ST6GALNAC3: variants seen among roughly 807,000 people sequenced by gnomAD.
ST6GALNAC3 encodes the protein alpha-N-acetylgalactosaminide alpha-2,6-sialyltransferase 3.
Under a neutral mutation model 32.7 loss-of-function variants are expected in ST6GALNAC3, and 25 were observed. That is an observed-to-expected ratio of 0.76 (90% CI 0.56 to 1.07). ST6GALNAC3 has a LOEUF of 1.07. ST6GALNAC3 is among the 50% of genes least tolerant of loss of function. ST6GALNAC3 has a pLI of 0.00. For missense variants in ST6GALNAC3, 355 were observed against 382.4 expected, an observed-to-expected ratio of 0.93 and a Z score of 0.60; for synonymous variants, 129 against 133.1, an observed-to-expected ratio of 0.97 and a Z score of 0.21.
chr1:76,464,721 A>C (rs1332824488), intron 3 of ST6GALNAC3, among the ~76,000 whole-genome samples: 1 of 152,214 alleles, frequency 6.6e-6, no homozygotes, highest in African/African-American at 2.4e-5. Context: ...AGAATCTTTA[A>C]ATTATCATTA....
intron 3 of ST6GALNAC3, among the ~76,000 whole-genome samples, chr1:76,516,585 A>C (rs921685551): frequency 1.3e-5 from 2 of 151,926 alleles, no homozygotes; most frequent in African/African-American, 4.9e-5. Flanking sequence ...CTTCAAAAAG[A>C]ACTGTGCTTA....
intron 3 of ST6GALNAC3, among the ~76,000 whole-genome samples, chr1:76,444,651 G>T (rs1656844756): frequency 6.6e-6 from 1 of 152,158 alleles, no homozygotes; most frequent in Non-Finnish European, 1.5e-5. Flanking sequence ...TCTGGACTCT[G>T]GTAGGGAGCC....
chr1:76,317,129 T>G (rs1646879781), intron 2 of ST6GALNAC3, among the ~76,000 whole-genome samples: 1 of 152,094 alleles, frequency 6.6e-6, no homozygotes, highest in African/African-American at 2.4e-5. Flanking sequence ...TTCTCCTAAA[T>G]TCAAGTAGTT....
intron 3 of ST6GALNAC3, among the ~76,000 whole-genome samples, chr1:76,574,070 A>G (rs527660796): frequency 6.6e-6 from 1 of 152,126 alleles, no homozygotes; most frequent in Non-Finnish European, 1.5e-5. Flanking sequence ...TGCCTTTGTG[A>G]AAGTTATAAT....
In ST6GALNAC3 at chr1:76,077,834, A is replaced by G. The variant is rs371507598; in HGVS notation, c.18+2950A>G. Among the ~76,000 whole-genome samples the G allele has an allele frequency of 3.9e-5, 6 of 152,312 alleles. No individual in the cohort carries two copies. In the East Asian group the frequency reaches 5.8e-4, roughly 15 times the overall value. ...AATTGCCTTTAGCTCAAAATAATCA[A>G]TATGCCAAAGTGATATATTTTGGGG... is the stretch of plus-strand genomic sequence containing the variant. On this transcript the variant is annotated intron_variant, in intron 1 of 4. Transcript: ENST00000328299.
At chr1:76,514,574 G>A (rs1341081722) in intron 3 of ST6GALNAC3, among the ~76,000 whole-genome samples, 2 of 152,116 alleles carry the variant, frequency 1.3e-5, no homozygotes, top group Non-Finnish European at 2.9e-5. Flanking sequence ...TCCAGTGAGA[G>A]TGGGTTGTCA....
rs1377754857 is a variant in ST6GALNAC3, at chr1:76,220,564, G to A, written c.19-93241G>A. On this transcript the variant is annotated intron_variant, in intron 1 of 4. Transcript: ENST00000328299. ...TCAACCAATACAAACAAATAATCAG[G>A]CCATTATAATTTAGAGGACAGTGTT... 3.9e-5 allele frequency among the ~76,000 whole-genome samples: 6 copies of A among 152,246 alleles called. No individual in the cohort carries two copies. The East Asian group carries it at 1.2e-3, about 29-fold the overall frequency.
chr1:76,431,464 A>G (rs904251376), intron 3 of ST6GALNAC3, among the ~76,000 whole-genome samples: 2 of 152,354 alleles, frequency 1.3e-5, no homozygotes, highest in Admixed American at 6.5e-5. Flanking sequence ...TCTTCATTTC[A>G]TAGATGTAAA....
chr1:76,187,357 A>G (rs1653620419), intron 1 of ST6GALNAC3, among the ~76,000 whole-genome samples: 3 of 152,140 alleles, frequency 2.0e-5, no homozygotes, highest in South Asian at 4.1e-4. Flanking sequence ...TGTGGTATAT[A>G]TGTGTCTTTT....
At chr1:76,158,112 C>G (rs1225761914) in intron 1 of ST6GALNAC3, among the ~76,000 whole-genome samples, 1 of 152,250 alleles carries the variant, frequency 6.6e-6, no homozygotes, top group Non-Finnish European at 1.5e-5. Context: ...AATTAATAAA[C>G]ATGCCTCTTT....
At chr1:76,554,625 T>C (rs1328620790) in intron 3 of ST6GALNAC3, among the ~76,000 whole-genome samples, 2 of 152,138 alleles carry the variant, frequency 1.3e-5, no homozygotes, top group Non-Finnish European at 2.9e-5. Flanking sequence ...ACTAGTATTT[T>C]TGAACATTTG....
intron 1 of ST6GALNAC3, among the ~76,000 whole-genome samples, chr1:76,186,752 G>A (rs60164283): frequency 0.076 from 11,526 of 152,146 alleles, 450 homozygotes; most frequent in Middle Eastern, 0.11. Context: ...CTGCAGCCTC[G>A]TGAGGGGCCC....
intron 3 of ST6GALNAC3, among the ~76,000 whole-genome samples, chr1:76,511,480 C>T (rs1661858086): frequency 6.6e-6 from 1 of 152,152 alleles, no homozygotes; most frequent in African/African-American, 2.4e-5. Flanking sequence ...GTGCGGTGCC[C>T]CTCCCCTTTC....
chr1:76,418,287 T>C (rs1161497000), intron 3 of ST6GALNAC3, among the ~76,000 whole-genome samples: 1 of 152,146 alleles, frequency 6.6e-6, no homozygotes, highest in Non-Finnish European at 1.5e-5. Flanking sequence ...GAAAGGGGTT[T>C]CAAGTCTTCT....
chr1:76,366,455 T>C (rs1385340654), intron 2 of ST6GALNAC3, among the ~76,000 whole-genome samples: 2 of 152,172 alleles, frequency 1.3e-5, no homozygotes, highest in East Asian at 3.8e-4. Flanking sequence ...ACATTAAGAA[T>C]TGAATAACAA....
intron 2 of ST6GALNAC3, among the ~76,000 whole-genome samples, chr1:76,373,783 T>C (rs1194024031): frequency 6.6e-6 from 1 of 152,204 alleles, no homozygotes; most frequent in African/African-American, 2.4e-5. Flanking sequence ...AAAATCAAGC[T>C]AAGAGAAATA....
At chr1:76,274,407 T>C (rs1156415717) in intron 1 of ST6GALNAC3, among the ~76,000 whole-genome samples, 2 of 152,246 alleles carry the variant, frequency 1.3e-5, no homozygotes, top group Non-Finnish European at 2.9e-5. Flanking sequence ...GGCAATCTTT[T>C]ATGACTTTGC....
intron 3 of ST6GALNAC3, among the ~76,000 whole-genome samples, chr1:76,468,007 A>G (rs1658756797): frequency 6.6e-6 from 1 of 151,564 alleles, no homozygotes; most frequent in Non-Finnish European, 1.5e-5. Context: ...GCTCTTCTTT[A>G]CTCTCTTATA....
At chr1:76,627,124 T>C (rs1468394994) in intron 3 of ST6GALNAC3, among the ~76,000 whole-genome samples, 2 of 151,890 alleles carry the variant, frequency 1.3e-5, no homozygotes, top group East Asian at 1.9e-4. Context: ...CAGGACTAAT[T>C]TGTGTCTTAT....
Sources: gnomAD v4.1 joint callset for allele counts (sites outside exome capture counted in the v4.1 genomes callset) on GRCh38, gnomAD v4.1.1 for gene constraint, MANE v1.5 for transcripts, NCBI Gene and HGNC (gene_info 2026-07-23, HGNC 2026-07-21) for gene names.